Variants in CSPP1 observed in about 807,000 individuals in gnomAD.
CSPP1 encodes centrosome and spindle pole associated protein 1, also known as centrosome and spindle pole-associated protein 1.
CSPP1 carries 126 observed loss-of-function variants against 164.4 expected under a neutral mutation model. The ratio of observed to expected loss-of-function variants is 0.77; its 90% confidence interval spans 0.66 to 0.89. The LOEUF is 0.89. CSPP1 is among the 40% of genes least tolerant of loss of function. The pLI is 0.00. For missense variants in CSPP1, 1,395 were observed against 1,449.8 expected (o/e 0.96, Z 0.61); for synonymous variants, 472 against 476.7 (o/e 0.99, Z 0.13).
At position 67,137,488 on chromosome 8, in the gene CSPP1, A is replaced by G; in HGVS notation, c.1860A>G (p.Glu620=). Residue 620 remains glutamate (E), a synonymous_variant, in exon 17 of 31, where the codon GAA becomes GAG. Transcript: ENST00000678616. ...AAAGAGAAGAAAGAAGGAAGAAAGAACGTGAAGAAAAAGAAGAATATGAAG... is the reference window on the plus strand; with the variant it reads ...AAAGAGAAGAAAGAAGGAAGAAAGAGCGTGAAGAAAAAGAAGAATATGAAG... ...IREREERRKK[E]REEKEEYEAK... is the part of the protein sequence containing the mutation. 3 of 1,544,410 alleles carry G rather than the reference A, an allele frequency of 1.9e-6. No homozygotes were observed. The highest frequency in any genetic ancestry group is 2.7e-6 in the Non-Finnish European group (3 of 1,131,520).
chr8:67,118,720 T>G, intron 14 of CSPP1, 23 bp from the exon 15 acceptor site: 6 of 1,528,614 alleles, frequency 3.9e-6, no homozygotes, highest in Non-Finnish European at 5.4e-6. Context: ...AAACTTTTTT[T>G]GTTTTTTTGT....
intron 17 of CSPP1, among the ~76,000 whole-genome samples, chr8:67,138,062 GA>G (rs1397835675): frequency 1.3e-5 from 2 of 152,110 alleles, no homozygotes; most frequent in African/African-American, 4.8e-5. Context: ...ATTCCTTTGG[GA>G]AAAAGAAGAC....
chr8:67,133,207 T>A (rs532680595), intron 16 of CSPP1, among the ~76,000 whole-genome samples: 17 of 152,182 alleles, frequency 1.1e-4, no homozygotes, highest in South Asian at 2.1e-4. Flanking sequence ...ACTGTGCATA[T>A]GGTTATGAGT....
intron 1 of CSPP1, among the ~76,000 whole-genome samples, chr8:67,070,318 C>T (rs1251057816): frequency 6.6e-6 from 1 of 151,848 alleles, no homozygotes; most frequent in Non-Finnish European, 1.5e-5. Context: ...AAAAAATTAG[C>T]TGGGCATGGT....
At chr8:67,087,140 T>G (rs1449505170) in intron 4 of CSPP1, among the ~76,000 whole-genome samples, 1 of 142,678 alleles carries the variant, frequency 7.0e-6, no homozygotes, top group African/African-American at 2.8e-5. Flanking sequence ...GTTAAGTCTG[T>G]TTTCAGCATG....
chr8:67,190,743 G>T lies in CSPP1; in HGVS notation c.3314G>T (p.Trp1105Leu). Residue 1105 changes from tryptophan to leucine, a missense_variant, in exon 29 of 31, where the codon TGG becomes TTG. By Grantham distance (61) the Trp-to-Leu change is moderately conservative. Coordinates refer to ENST00000678616, the MANE Select transcript of CSPP1 (RefSeq NM_001382391.1). ...GCACGGGAGCGCAGGAGGAACAAATGGAAAGGACTAGACATTGTATGTATG... is the reference window on the plus strand; with the variant it reads ...GCACGGGAGCGCAGGAGGAACAAATTGAAAGGACTAGACATTGTATGTATG... ...PSARERRRNK[W>L]KGLDIDSSRP... 6.2e-7 allele frequency: 1 copy of T among 1,610,776 alleles called. No homozygotes were observed. The highest frequency in any genetic ancestry group is 8.5e-7 in the Non-Finnish European group (1 of 1,176,946).
At chr8:67,082,270 G>A (rs1323887973) in intron 3 of CSPP1, among the ~76,000 whole-genome samples, 3 of 152,166 alleles carry the variant, frequency 2.0e-5, no homozygotes, top group East Asian at 1.9e-4. Flanking sequence ...GGCTGGTCTC[G>A]AGCTCCTTAC....
intron 30 of CSPP1, among the ~76,000 whole-genome samples, chr8:67,195,127 G>T (rs1211321455): frequency 3.3e-5 from 5 of 152,118 alleles, no homozygotes; most frequent in Non-Finnish European, 7.4e-5. Flanking sequence ...CCCTCTGGTT[G>T]CTAGTGCCAT....
intron 18 of CSPP1, 93 bp from the exon 19 acceptor site, chr8:67,153,931 A>C: frequency 1.7e-6 from 1 of 588,122 alleles, no homozygotes. Flanking sequence ...TTTTTTTTTA[A>C]AAATGAATTT....
chr8:67,086,888 C>A, intron 4 of CSPP1: 44 of 928,282 alleles, frequency 4.7e-5, no homozygotes, highest in Non-Finnish European at 5.8e-5. Flanking sequence ...TTTTTTCTTT[C>A]TTTTTTTTTT....
chr8:67,139,092 G>T (rs2129555580), intron 17 of CSPP1, among the ~76,000 whole-genome samples: 1 of 152,194 alleles, frequency 6.6e-6, no homozygotes, highest in African/African-American at 2.4e-5. Context: ...TCAAAGATCA[G>T]ATAGTTGTAG....
At chr8:67,082,173 G>C (rs1809345659) in intron 3 of CSPP1, among the ~76,000 whole-genome samples, 1 of 152,098 alleles carries the variant, frequency 6.6e-6, no homozygotes, top group South Asian at 2.1e-4. Flanking sequence ...TCAGCCTCCT[G>C]AGTAGCTGAG....
chr8:67,098,511 G>T (rs1813321152), intron 7 of CSPP1, among the ~76,000 whole-genome samples: 1 of 151,672 alleles, frequency 6.6e-6, no homozygotes, highest in Admixed American at 6.6e-5. Context: ...CTCATATCAT[G>T]AAATCACTGA....
At chr8:67,103,167 G>C (rs1383287666) in intron 8 of CSPP1, 32 bp downstream of exon 8, 1 of 1,316,640 alleles carries the variant, frequency 7.6e-7, no homozygotes, top group Admixed American at 1.7e-5. Context: ...CTCTGCTTTA[G>C]TCATTACATT....
Position 67,158,425 on chromosome 8 carries a change from ATAAC to A in CSPP1, c.2242-18_2242-15del, listed in dbSNP as rs747115433. Reference sequence around the variant, plus strand: ...ACTTTTCAATAGTTTTACAAGATAAATAACTAAGTTTAATTCTTTAGATTGAGGA... The same window carrying A: ...ACTTTTCAATAGTTTTACAAGATAAATAAGTTTAATTCTTTAGATTGAGGA... On this transcript the variant is annotated intron_variant, in intron 19 of 30. Transcript: ENST00000678616. 1.5e-5 allele frequency: 23 copies of A among 1,550,018 alleles called. No homozygotes were observed. The highest frequency in any genetic ancestry group is 1.7e-4 in the Middle Eastern group (1 of 5,828).
chr8:67,161,141 TA>T (rs1828262441), intron 21 of CSPP1, among the ~76,000 whole-genome samples: 1 of 152,208 alleles, frequency 6.6e-6, no homozygotes, highest in South Asian at 2.1e-4. Context: ...TAGGGATATC[TA>T]AATCCATTTA....
At chr8:67,114,393 A>C (rs1246387361) in intron 12 of CSPP1, 23 bp downstream of exon 12, 1 of 152,596 alleles carries the variant, frequency 6.6e-6, no homozygotes, top group Non-Finnish European at 1.5e-5. Flanking sequence ...TTTTACCACA[A>C]TTTATTTTTT....
rs200224025 is a variant in CSPP1 at position 67,088,112 on chromosome 8, GA to G, written c.303+2003del. On this transcript the variant is annotated intron_variant, in intron 4 of 30. Coordinates refer to ENST00000678616, the MANE Select transcript of CSPP1 (RefSeq NM_001382391.1). ...CTTCCCTACTTTTTCTTATTGGGTG[GA>G]GTTTTCCTCTGGTATCAGATATCTA... Among the ~76,000 whole-genome samples, 255 of 152,098 alleles carry G rather than the reference GA, an allele frequency of 1.7e-3. 5 individuals carry two copies. In the East Asian group the frequency reaches 0.045, roughly 27 times the overall value.
At chr8:67,133,841 AAC>A (rs920608856) in intron 16 of CSPP1, 8 of 152,214 alleles carry the variant, frequency 5.3e-5, no homozygotes, top group African/African-American at 1.9e-4. Flanking sequence ...TTGTCATCTC[AAC>A]AGTGTTCACA....
Sources: gnomAD v4.1 joint callset for allele counts (sites outside exome capture counted in the v4.1 genomes callset) on GRCh38, gnomAD v4.1.1 for gene constraint, MANE v1.5 for transcripts, NCBI Gene and HGNC (gene_info 2026-07-23, HGNC 2026-07-21) for gene names.